DENND1A: variants seen among roughly 807,000 people sequenced by gnomAD.
DENND1A encodes the protein DENN domain-containing protein 1A.
DENND1A carries 51 observed loss-of-function variants against 113.7 expected under a neutral mutation model. The ratio of observed to expected loss-of-function variants is 0.45; its 90% CI spans 0.36 to 0.57. The LOEUF is 0.57. Ranked by LOEUF, DENND1A falls within the 20% of genes least tolerant of loss-of-function variation. The pLI is 0.00. For synonymous variants in DENND1A, 565 were observed against 570.8 expected, an observed-to-expected ratio of 0.99 and a Z score of 0.14; for missense variants, 1,258 against 1,395.9, an observed-to-expected ratio of 0.90 and a Z score of 1.57.
At chr9:123,575,332 C>G (rs1483780500) in intron 12 of DENND1A, among the ~76,000 whole-genome samples, 1 of 152,174 alleles carries the variant, frequency 6.6e-6, no homozygotes, top group African/African-American at 2.4e-5. Context: ...GTAGAGTGCT[C>G]AGGTGGTCAT....
intron 12 of DENND1A, among the ~76,000 whole-genome samples, chr9:123,575,279 A>G (rs1303158587): frequency 6.6e-6 from 1 of 152,216 alleles, no homozygotes; most frequent in East Asian, 1.9e-4. Context: ...AACAGGGTTC[A>G]TGGTCCTTTG....
At chr9:123,902,000 C>T (rs7846741) in intron 1 of DENND1A, among the ~76,000 whole-genome samples, 6,281 of 151,624 alleles carry the variant, frequency 0.041, 165 homozygotes, top group Middle Eastern at 0.14. Flanking sequence ...AGCAAGACTC[C>T]GTCTCAAAAA....
intron 15 of DENND1A, among the ~76,000 whole-genome samples, chr9:123,456,680 C>T (rs937634417): frequency 2.6e-5 from 4 of 152,102 alleles, no homozygotes; most frequent in African/African-American, 4.8e-5. Flanking sequence ...CGTGGTGACA[C>T]GTGCCTGTAA....
intron 10 of DENND1A, among the ~76,000 whole-genome samples, chr9:123,616,210 G>A (rs111305259): frequency 0.15 from 23,537 of 152,168 alleles, 2,257 homozygotes; most frequent in Admixed American, 0.22. Context: ...GATTATGGGC[G>A]TGAGCCACTG....
chr9:123,507,825 A>AAAATAAAT (rs35086659), intron 13 of DENND1A, among the ~76,000 whole-genome samples: 7,053 of 148,788 alleles, frequency 0.047, 250 homozygotes, highest in Middle Eastern at 0.11. Context: ...AACCTATCTC[A>AAAATAAAT]AAATAAATAA....
chr9:123,924,056 G>A (rs914385226), intron 1 of DENND1A, among the ~76,000 whole-genome samples: 3 of 152,180 alleles, frequency 2.0e-5, no homozygotes, highest in African/African-American at 4.8e-5. Flanking sequence ...GTAAAATGTG[G>A]TATGTCCATA....
intron 13 of DENND1A, among the ~76,000 whole-genome samples, chr9:123,541,707 C>CATTCACATTCCA (rs2056300887): frequency 6.6e-6 from 1 of 152,210 alleles, no homozygotes; most frequent in African/African-American, 2.4e-5. Context: ...TGGAATGTGA[C>CATTCACATTCCA]TGCTGGTGAA....
chr9:123,472,588 A>C (rs974052562), intron 13 of DENND1A, among the ~76,000 whole-genome samples: 1 of 152,148 alleles, frequency 6.6e-6, no homozygotes, highest in South Asian at 2.1e-4. Context: ...TGTCCAGGGC[A>C]GGACTGCATC....
intron 13 of DENND1A, among the ~76,000 whole-genome samples, chr9:123,488,536 AC>A (rs2051083664): frequency 6.6e-6 from 1 of 151,924 alleles, no homozygotes; most frequent in South Asian, 2.1e-4. Flanking sequence ...TAAATACACA[AC>A]CTCTACTAAT....
At position 123,401,766 on chromosome 9, in the gene DENND1A, C is replaced by G. The variant is rs150115399; in HGVS notation, c.1631+1636G>C. The stretch of plus-strand genomic sequence containing the variant: ...GACACCGGCTCTTTGGCACACACTG[C>G]GAAGTCAGCCCCTCTGCCCAGTCTG... On this transcript the variant is annotated intron_variant, in intron 21 of 23. Coordinates refer to ENST00000394215, the MANE Select transcript of DENND1A (RefSeq NM_001352964.2). 5 of 1,613,176 alleles carry G rather than the reference C, an allele frequency of 3.1e-6. No individual in the cohort carries two copies. The East Asian group carries it at 6.7e-5, about 22-fold the overall frequency.
At chr9:123,915,339 T>C (rs757675794) in intron 1 of DENND1A, among the ~76,000 whole-genome samples, 9 of 152,172 alleles carry the variant, frequency 5.9e-5, no homozygotes, top group Non-Finnish European at 1.2e-4. Flanking sequence ...ATATTCATAA[T>C]AACATTCCAC....
chr9:123,435,735 C>A (rs535248298), intron 19 of DENND1A, among the ~76,000 whole-genome samples: 1 of 152,336 alleles, frequency 6.6e-6, no homozygotes, highest in East Asian at 1.9e-4. Flanking sequence ...ACTGAACTCA[C>A]ACAATCAGGC....
intron 12 of DENND1A, among the ~76,000 whole-genome samples, chr9:123,574,173 CT>C (rs542615815): frequency 0.11 from 12,616 of 110,026 alleles, 496 homozygotes; most frequent in South Asian, 0.18. Flanking sequence ...CTGTAGTTGC[CT>C]TTTTTTTTTT....
chr9:123,667,139 C>T, intron 7 of DENND1A, 60 bp from the exon 8 acceptor site: 1 of 1,488,146 alleles, frequency 6.7e-7, no homozygotes, highest in Non-Finnish European at 9.1e-7. Context: ...TTGCATTACT[C>T]AGAATTCAGG....
At chr9:123,401,822 A>G (rs761360527) in intron 21 of DENND1A, 2 of 1,614,208 alleles carry the variant, frequency 1.2e-6, no homozygotes, top group Non-Finnish European at 8.5e-7. Context: ...AATGTGATGA[A>G]GAGGTCCAGC....
At chr9:123,429,009 T>C (rs1214810939) in intron 19 of DENND1A, among the ~76,000 whole-genome samples, 1 of 152,154 alleles carries the variant, frequency 6.6e-6, no homozygotes, top group African/African-American at 2.4e-5. Flanking sequence ...TAAACTACCA[T>C]TGACATTCTT....
chr9:123,689,287 A>C (rs1253748813), intron 5 of DENND1A, among the ~76,000 whole-genome samples: 1 of 152,192 alleles, frequency 6.6e-6, no homozygotes, highest in African/African-American at 2.4e-5. Context: ...GGCCTCCCAA[A>C]GTACTGAGAT....
At chr9:123,793,207 C>G (rs1382533449) in intron 2 of DENND1A, among the ~76,000 whole-genome samples, 1 of 152,068 alleles carries the variant, frequency 6.6e-6, no homozygotes, top group African/African-American at 2.4e-5. Flanking sequence ...TCAGTGTAAA[C>G]AAAATATGAA....
At chr9:123,574,173 CTTTTT>C (rs542615815) in intron 12 of DENND1A, among the ~76,000 whole-genome samples, 1 of 110,124 alleles carries the variant, frequency 9.1e-6, no homozygotes, top group Non-Finnish European at 1.9e-5. Context: ...CTGTAGTTGC[CTTTTT>C]TTTTTTTTTT....
Sources: allele counts gnomAD v4.1 joint callset (sites outside exome capture counted in the v4.1 genomes callset), GRCh38; gene constraint gnomAD v4.1.1; transcripts MANE v1.5; gene names NCBI Gene and HGNC (gene_info 2026-07-23, HGNC 2026-07-21).